The following MICU2 variants were observed in gnomAD, a reference collection of about 807,000 sequenced individuals.
The protein encoded by MICU2 is calcium uptake protein 2, mitochondrial.
In MICU2, 64 loss-of-function variants were observed where a neutral mutation model predicts 60.4. The ratio of observed to expected loss-of-function variants is 1.06; its 90% confidence interval spans 0.87 to 1.31. The LOEUF is 1.31. Among genes scored for constraint, MICU2 ranks in the 50% most tolerant of loss-of-function variants. MICU2 has a pLI of 0.00. For missense variants in MICU2, 569 were observed against 531.0 expected (o/e 1.07, Z -0.70); for synonymous variants, 201 against 175.0 (o/e 1.15, Z -1.17).
intron 9 of MICU2, among the ~76,000 whole-genome samples, chr13:21,498,236 A>G (rs530313558): frequency 5.9e-5 from 9 of 152,290 alleles, no homozygotes; most frequent in South Asian, 4.1e-4. Context: ...TGAAAAAGTA[A>G]TATGTGCACA....
chr13:21,594,295 G>C (rs1888646740), intron 1 of MICU2, among the ~76,000 whole-genome samples: 1 of 152,148 alleles, frequency 6.6e-6, no homozygotes, highest in Non-Finnish European at 1.5e-5. Flanking sequence ...ATCATCACTG[G>C]TCATTAGAGA....
At chr13:21,531,237 A>AG in intron 4 of MICU2, 2 of 1,157,808 alleles carry the variant, frequency 1.7e-6, no homozygotes, top group Admixed American at 1.7e-5. Context: ...AAAGGACACT[A>AG]TAAGAAAGGA....
chr13:21,589,475 T>C (rs549077099), intron 1 of MICU2, among the ~76,000 whole-genome samples: 207 of 152,304 alleles, frequency 1.4e-3, no homozygotes, highest in African/African-American at 4.6e-3. Flanking sequence ...TAAAAAAACT[T>C]TGAAAAGAAA....
intron 4 of MICU2, among the ~76,000 whole-genome samples, chr13:21,532,025 T>C (rs1887013311): frequency 6.6e-6 from 1 of 152,198 alleles, no homozygotes; most frequent in Admixed American, 6.5e-5. Context: ...TGATGCAGAC[T>C]AGCAGGAGGT....
At chr13:21,521,425 G>A (rs1038356142) in intron 5 of MICU2, 98 bp from the exon 6 acceptor site, 2 of 801,802 alleles carry the variant, frequency 2.5e-6, no homozygotes, top group Non-Finnish European at 4.0e-6. Flanking sequence ...AGCAGAAACT[G>A]TATGAGTAAG....
At chr13:21,516,364 T>C (rs968848182) in intron 6 of MICU2, among the ~76,000 whole-genome samples, 5 of 152,224 alleles carry the variant, frequency 3.3e-5, no homozygotes, top group African/African-American at 1.2e-4. Context: ...AGCATAATGG[T>C]CTTGAGAGTC....
At chr13:21,513,185 G>A (rs554890081) in intron 7 of MICU2, among the ~76,000 whole-genome samples, 6 of 151,756 alleles carry the variant, frequency 4.0e-5, no homozygotes, top group Non-Finnish European at 7.4e-5. Flanking sequence ...TGCCATCTAC[G>A]AAAAGAGACT....
intron 1 of MICU2, among the ~76,000 whole-genome samples, chr13:21,587,688 T>C (rs567521234): frequency 2.7e-4 from 41 of 152,352 alleles, no homozygotes; most frequent in African/African-American, 9.6e-4. Flanking sequence ...CAGCTTTAGC[T>C]GGACACTCTT....
intron 1 of MICU2, among the ~76,000 whole-genome samples, chr13:21,583,913 C>T (rs1888402757): frequency 6.6e-6 from 1 of 152,112 alleles, no homozygotes; most frequent in African/African-American, 2.4e-5. Flanking sequence ...AGAAATCAAC[C>T]CATTTACAGC....
At chr13:21,560,456 T>C (rs1158171812) in intron 2 of MICU2, among the ~76,000 whole-genome samples, 2 of 152,222 alleles carry the variant, frequency 1.3e-5, no homozygotes, top group Non-Finnish European at 2.9e-5. Flanking sequence ...ACTGGTCAGT[T>C]TGTCTATCCC....
At chr13:21,548,933 T>G (rs1488415709) in intron 2 of MICU2, among the ~76,000 whole-genome samples, 4 of 148,248 alleles carry the variant, frequency 2.7e-5, no homozygotes, top group African/African-American at 5.0e-5. Flanking sequence ...TTTTTTTTTT[T>G]TTTTTTTTTT....
chr13:21,564,868 G>A (rs537194919), intron 2 of MICU2, among the ~76,000 whole-genome samples: 1 of 152,268 alleles, frequency 6.6e-6, no homozygotes, highest in Non-Finnish European at 1.5e-5. Context: ...CTCCGTGGCT[G>A]GCTCTTCAGG....
intron 1 of MICU2, among the ~76,000 whole-genome samples, chr13:21,585,147 A>G (rs1888430772): frequency 6.6e-6 from 1 of 152,188 alleles, no homozygotes; most frequent in Admixed American, 6.5e-5. Flanking sequence ...CAAAAGCACA[A>G]ATTACATCTA....
In MICU2 at chr13:21,514,370, T is replaced by C. The variant is rs1886510359; in HGVS notation, c.646A>G (p.Asn216Asp). 1 of 1,612,750 alleles carries C rather than the reference T, an allele frequency of 6.2e-7. No homozygotes were observed. Among genetic ancestry groups the C allele is most frequent in the Non-Finnish European group, 8.5e-7 (1 of 1,179,274 alleles). Residue 216 changes from asparagine to aspartate, a missense_variant, in exon 7 of 12, where the codon AAT (asparagine) becomes GAT (aspartate). Asn to Asp is a conservative substitution (Grantham distance 23, BLOSUM62 1). Coordinates refer to ENST00000382374, the MANE Select transcript of MICU2 (RefSeq NM_152726.3). Reference protein sequence around the residue: ...KQDDLMTVKTNETGYQEAIVK... With the variant: ...KQDDLMTVKTDETGYQEAIVK... ...GTACATACCTGATATCCAGTTTCAT[T>C]AGTTTTCACTGTCATCAAGTCATCT...
intron 8 of MICU2, among the ~76,000 whole-genome samples, chr13:21,509,192 C>T (rs550173998): frequency 3.7e-4 from 57 of 152,098 alleles, no homozygotes; most frequent in Non-Finnish European, 7.6e-4. Context: ...CTATGCATGG[C>T]ATTATTATCA....
chr13:21,570,987 T>C (rs1888094695), intron 1 of MICU2, among the ~76,000 whole-genome samples: 1 of 152,212 alleles, frequency 6.6e-6, no homozygotes, highest in African/African-American at 2.4e-5. Context: ...TCTTAATCTG[T>C]TCTTTTCCTT....
chr13:21,584,866 A>G (rs956677512), intron 1 of MICU2, among the ~76,000 whole-genome samples: 1 of 152,198 alleles, frequency 6.6e-6, no homozygotes, highest in Non-Finnish European at 1.5e-5. Context: ...TAAAACCCCA[A>G]AATTCACAGT....
chr13:21,510,073 T>G lies in MICU2; in HGVS notation c.692A>C (p.Asn231Thr). Residue 231 changes from asparagine (N) to threonine (T), a missense_variant, in exon 8 of 12, where the codon AAC becomes ACC. Transcript: ENST00000382374. Reference sequence around the variant, plus strand: ...AAAGAAACGCATCTGAAGAGTTGTGTTAATTTCAGGTTCTTTCACTATTGC... The same window carrying G: ...AAAGAAACGCATCTGAAGAGTTGTGGTAATTTCAGGTTCTTTCACTATTGC... ...QEAIVKEPEI[N>T]TTLQMRFFGK... 1 of 1,516,912 alleles carries G rather than the reference T, an allele frequency of 6.6e-7. No homozygotes were observed. Among genetic ancestry groups the G allele is most frequent in the Middle Eastern group, 1.8e-4 (1 of 5,632 alleles). The allele number at this position is 1,516,912 out of a possible 1,614,324, so 94.0% of individuals were successfully genotyped here.
intron 8 of MICU2, among the ~76,000 whole-genome samples, chr13:21,503,858 T>C (rs1012893342): frequency 2.6e-5 from 4 of 152,236 alleles, no homozygotes; most frequent in Admixed American, 6.5e-5. Flanking sequence ...TTATTCACTT[T>C]TCCACATGTG....
Sources: gnomAD v4.1 joint callset for allele counts (sites outside exome capture counted in the v4.1 genomes callset) on GRCh38, gnomAD v4.1.1 for gene constraint, MANE v1.5 for transcripts, NCBI Gene and HGNC (gene_info 2026-07-23, HGNC 2026-07-21) for gene names.